METTL5: variants seen among roughly 807,000 people sequenced by gnomAD.
The protein encoded by METTL5 is rRNA N(6)-adenosine-methyltransferase METTL5.
In METTL5, 28 loss-of-function variants were observed where a neutral mutation model predicts 26.5. The ratio of observed to expected loss-of-function variants is 1.06; its 90% CI spans 0.78 to 1.45. The LOEUF is 1.45. Ranked by LOEUF, METTL5 falls within the 40% of genes most tolerant of loss-of-function variation. The pLI, the probability that METTL5 is intolerant of heterozygous loss-of-function variation, is 0.00. For synonymous variants in METTL5, 86 were observed against 82.6 expected, an observed-to-expected ratio of 1.04 and a Z score of -0.22; for missense variants, 231 against 249.9, an observed-to-expected ratio of 0.92 and a Z score of 0.51.
chr2:169,817,141 C>T (rs967839169), intron 4 of METTL5, among the ~76,000 whole-genome samples: 2 of 152,118 alleles, frequency 1.3e-5, no homozygotes, highest in African/African-American at 4.8e-5. Flanking sequence ...ACAGACACTT[C>T]CCAAAAGAAG....
chr2:169,824,377 T>C (rs1204490761), intron 1 of METTL5, 112 bp downstream of exon 1: 7 of 865,572 alleles, frequency 8.1e-6, no homozygotes, highest in Non-Finnish European at 1.3e-5. Flanking sequence ...CAGGTGATCT[T>C]AGGGCAGAAT....
At chr2:169,821,367 C>T in intron 2 of METTL5, 94 bp from the exon 3 acceptor site, 1 of 882,450 alleles carries the variant, frequency 1.1e-6, no homozygotes, top group Non-Finnish European at 1.7e-6. Context: ...AACCATATAT[C>T]TTTTTAACCC....
intron 1 of METTL5, among the ~76,000 whole-genome samples, chr2:169,823,915 C>A (rs1402008457): frequency 1.1e-4 from 17 of 152,200 alleles, no homozygotes; most frequent in Non-Finnish European, 1.5e-5. Flanking sequence ...CTTGTACTCC[C>A]AGTATCAATA....
intron 4 of METTL5, among the ~76,000 whole-genome samples, chr2:169,816,344 G>A (rs2081504870): frequency 6.6e-6 from 1 of 151,872 alleles, no homozygotes; most frequent in African/African-American, 2.4e-5. Flanking sequence ...AAAGTGTAGA[G>A]CACTGTATCA....
chr2:169,814,284 C>G (rs1297782143), intron 5 of METTL5, among the ~76,000 whole-genome samples: 1 of 151,622 alleles, frequency 6.6e-6, no homozygotes, highest in African/African-American at 2.4e-5. Flanking sequence ...GTCAGGAGTT[C>G]AAGACCAGCC....
intron 5 of METTL5, among the ~76,000 whole-genome samples, chr2:169,814,766 G>A (rs148285299): frequency 0.053 from 8,087 of 151,644 alleles, 250 homozygotes; most frequent in East Asian, 0.1. Context: ...TAGTAGAGAC[G>A]GGGTTTCACC....
At chr2:169,822,725 C>T (rs2081601732) in intron 1 of METTL5, among the ~76,000 whole-genome samples, 1 of 151,996 alleles carries the variant, frequency 6.6e-6, no homozygotes, top group Admixed American at 6.6e-5. Context: ...GCCACTGTGC[C>T]TAGCCACAGA....
chr2:169,819,300 C>A (rs1244186775), intron 4 of METTL5, among the ~76,000 whole-genome samples: 1 of 152,110 alleles, frequency 6.6e-6, no homozygotes, highest in Non-Finnish European at 1.5e-5. Flanking sequence ...ATCCTAGTTA[C>A]AACACACTTT....
intron 3 of METTL5, among the ~76,000 whole-genome samples, chr2:169,820,884 T>TG (rs1419771997): frequency 2.0e-5 from 2 of 100,646 alleles, no homozygotes; most frequent in African/African-American, 6.9e-5. Flanking sequence ...GAAATTAAAA[T>TG]TTGTGTGTGT....
chr2:169,822,165 C>T (rs1485239572), intron 1 of METTL5, 108 bp from the exon 2 acceptor site: 1 of 1,382,790 alleles, frequency 7.2e-7, no homozygotes, highest in Non-Finnish European at 9.6e-7. Flanking sequence ...ACTTAGTCCT[C>T]CCCAAATGCC....
chr2:169,824,462 C>T (rs745914489), intron 1 of METTL5, 27 bp downstream of exon 1: 4 of 1,510,956 alleles, frequency 2.6e-6, no homozygotes, highest in Non-Finnish European at 3.7e-6. Flanking sequence ...CGCCGAAAGC[C>T]GGGGCGTGGT....
chr2:169,816,371 A>C (rs1372090108), intron 4 of METTL5, among the ~76,000 whole-genome samples: 1 of 152,112 alleles, frequency 6.6e-6, no homozygotes, highest in Non-Finnish European at 1.5e-5. Context: ...TGGCCATACT[A>C]CCCAAGGTAA....
intron 4 of METTL5, among the ~76,000 whole-genome samples, chr2:169,819,175 C>G (rs2081550048): frequency 6.6e-6 from 1 of 152,204 alleles, no homozygotes; most frequent in African/African-American, 2.4e-5. Flanking sequence ...GCTCCAGGCT[C>G]AAGTGTTCTG....
chr2:169,819,696 T>G, intron 3 of METTL5, 53 bp from the exon 4 acceptor site: 1 of 1,255,728 alleles, frequency 8.0e-7, no homozygotes, highest in South Asian at 1.3e-5. Flanking sequence ...AACAGAAGAT[T>G]AAGTTAGTAG....
intron 6 of METTL5, chr2:169,812,169 C>G: frequency 1.8e-6 from 1 of 569,566 alleles, no homozygotes. Context: ...TATGGTGTCT[C>G]CTAGGCTGGC....
intron 5 of METTL5, among the ~76,000 whole-genome samples, chr2:169,813,346 G>T (rs1265801382): frequency 1.3e-5 from 2 of 151,384 alleles, no homozygotes; most frequent in Non-Finnish European, 2.9e-5. Context: ...AGCCAGGATG[G>T]TCTTGATCTC....
intron 4 of METTL5, among the ~76,000 whole-genome samples, chr2:169,817,303 T>C (rs555941212): frequency 1.3e-5 from 2 of 152,208 alleles, no homozygotes; most frequent in South Asian, 4.1e-4. Flanking sequence ...GGAGAGGATG[T>C]GGAGAAATAG....
At chr2:169,811,900 T>C in intron 6 of METTL5, 42 bp from the exon 7 acceptor site, 1 of 1,595,518 alleles carries the variant, frequency 6.3e-7, no homozygotes, top group South Asian at 1.1e-5. Flanking sequence ...AACTTGTCTT[T>C]TTGTTATGCA....
At chr2:169,823,092 C>T (rs888012708) in intron 1 of METTL5, among the ~76,000 whole-genome samples, 126 of 152,170 alleles carry the variant, frequency 8.3e-4, no homozygotes, top group Non-Finnish European at 1.5e-5. Flanking sequence ...TCAAGCAATT[C>T]TCCTGCCTTA....
Sources: gnomAD v4.1 joint callset for allele counts (sites outside exome capture counted in the v4.1 genomes callset) on GRCh38, gnomAD v4.1.1 for gene constraint, MANE v1.5 for transcripts, NCBI Gene and HGNC (gene_info 2026-07-23, HGNC 2026-07-21) for gene names.